The following CACNA2D2 variants were observed in gnomAD, a reference collection of about 807,000 sequenced individuals.
The protein encoded by CACNA2D2 is voltage-dependent calcium channel subunit alpha-2/delta-2.
CACNA2D2 carries 48 observed loss-of-function variants against 166.4 expected under a neutral mutation model. That is an observed-to-expected ratio of 0.29 (90% CI 0.23 to 0.37). The LOEUF (loss-of-function observed/expected upper bound fraction) is 0.37. CACNA2D2 is among the 10% of genes least tolerant of loss of function. CACNA2D2 has a pLI of 1.00. For synonymous variants in CACNA2D2, 561 were observed against 573.7 expected, an observed-to-expected ratio of 0.98 and a Z score of 0.32; for missense variants, 1,122 against 1,433.0, an observed-to-expected ratio of 0.78 and a Z score of 3.50.
At chr3:50,488,921 C>T (rs1377002146) in intron 1 of CACNA2D2, among the ~76,000 whole-genome samples, 5 of 152,034 alleles carry the variant, frequency 3.3e-5, no homozygotes, top group Admixed American at 2.0e-4. Flanking sequence ...AGGATGGTCT[C>T]GATCTCCTGA....
rs1222832323 is a variant in CACNA2D2 at position 50,493,207 on chromosome 3, C to A, written c.206+10011G>T. ...ATCCTCCATCACTCCCTGCCTTCTG[C>A]AGAATCTCCACCTCCAGCCCAAGGT... On this transcript the variant is annotated intron_variant, in intron 1 of 37. Coordinates refer to ENST00000424201, the MANE Select transcript of CACNA2D2 (RefSeq NM_006030.4). Among the ~76,000 whole-genome samples, 3 of 152,210 alleles carry A rather than the reference C, an allele frequency of 2.0e-5. No homozygotes were observed. The East Asian group carries it at 5.8e-4, about 29-fold the overall frequency.
intron 1 of CACNA2D2, among the ~76,000 whole-genome samples, chr3:50,476,444 G>A (rs1394842436): frequency 6.6e-6 from 1 of 152,238 alleles, no homozygotes; most frequent in Non-Finnish European, 1.5e-5. Flanking sequence ...TTGTGGATGT[G>A]CTGAGGGAGC....
intron 3 of CACNA2D2, among the ~76,000 whole-genome samples, chr3:50,412,811 G>A (rs1479042351): frequency 6.6e-6 from 1 of 152,228 alleles, no homozygotes; most frequent in Non-Finnish European, 1.5e-5. Context: ...ATGGAAGGAT[G>A]TCACCGTGGA....
intron 3 of CACNA2D2, among the ~76,000 whole-genome samples, chr3:50,430,701 G>A (rs1405098527): frequency 6.6e-6 from 1 of 152,180 alleles, no homozygotes. Context: ...GGACCCAGCT[G>A]GGAGGGCAGG....
At chr3:50,481,454 C>G (rs920395747) in intron 1 of CACNA2D2, among the ~76,000 whole-genome samples, 2 of 152,118 alleles carry the variant, frequency 1.3e-5, no homozygotes, top group Non-Finnish European at 2.9e-5. Context: ...GGCAGTTCAG[C>G]CGCTGCGCTT....
intron 2 of CACNA2D2, among the ~76,000 whole-genome samples, chr3:50,468,923 G>C (rs1709950264): frequency 6.6e-6 from 1 of 151,020 alleles, no homozygotes; most frequent in Non-Finnish European, 1.5e-5. Flanking sequence ...CCACCTCCCA[G>C]GTTCAAGCAA....
chr3:50,482,250 A>C (rs1698084310), intron 1 of CACNA2D2, among the ~76,000 whole-genome samples: 1 of 152,118 alleles, frequency 6.6e-6, no homozygotes, highest in African/African-American at 2.4e-5. Context: ...GCCCTGCTGC[A>C]AACAGCAGGA....
At chr3:50,490,515 T>C (rs1698478127) in intron 1 of CACNA2D2, among the ~76,000 whole-genome samples, 1 of 151,502 alleles carries the variant, frequency 6.6e-6, no homozygotes, top group Non-Finnish European at 1.5e-5. Context: ...AGAGCAGCCC[T>C]TGGTGGCAGC....
At chr3:50,414,524 C>G (rs762666533) in intron 3 of CACNA2D2, among the ~76,000 whole-genome samples, 1 of 151,958 alleles carries the variant, frequency 6.6e-6, no homozygotes, top group African/African-American at 2.4e-5. Context: ...GGCAGCCCCC[C>G]TTCCAAAACA....
chr3:50,499,640 C>G (rs1381774066), intron 1 of CACNA2D2, among the ~76,000 whole-genome samples: 1 of 152,224 alleles, frequency 6.6e-6, no homozygotes, highest in Non-Finnish European at 1.5e-5. Context: ...GCAGTGCCCA[C>G]CTGCACACAG....
At chr3:50,425,548 C>T (rs1707768297) in intron 3 of CACNA2D2, among the ~76,000 whole-genome samples, 1 of 152,192 alleles carries the variant, frequency 6.6e-6, no homozygotes, top group South Asian at 2.1e-4. Flanking sequence ...TGCACCTACC[C>T]TCCCCCAGCC....
intron 4 of CACNA2D2, among the ~76,000 whole-genome samples, chr3:50,392,264 G>A (rs1705924908): frequency 6.6e-6 from 1 of 152,188 alleles, no homozygotes; most frequent in Non-Finnish European, 1.5e-5. Flanking sequence ...GCAATCCCTG[G>A]CAGCCCGAGC....
intron 2 of CACNA2D2, among the ~76,000 whole-genome samples, chr3:50,439,422 G>A (rs1316126733): frequency 6.6e-6 from 1 of 152,250 alleles, no homozygotes; most frequent in Non-Finnish European, 1.5e-5. Context: ...GAACAAGAAA[G>A]ATTTGACGCA....
intron 2 of CACNA2D2, among the ~76,000 whole-genome samples, chr3:50,441,247 A>T (rs1227821163): frequency 1.3e-5 from 2 of 152,068 alleles, no homozygotes; most frequent in African/African-American, 4.8e-5. Context: ...TTACCTTCAC[A>T]AAACTCACAG....
rs748266125 is a variant in CACNA2D2, at chr3:50,375,884, G to A, written c.1774-4C>T. 6.2e-7 allele frequency: 1 copy of A among 1,612,926 alleles called. No individual in the cohort carries two copies. The highest frequency in any genetic ancestry group is 1.3e-5 in the African/African-American group (1 of 74,928). On this transcript the variant is annotated splice_polypyrimidine_tract_variant and splice_region_variant and intron_variant, in intron 19 of 37. Coordinates refer to ENST00000424201, the MANE Select transcript of CACNA2D2 (RefSeq NM_006030.4). The surrounding 1 kb of genome is among the most constrained non-coding windows in gnomAD (Gnocchi z 4.0). ...CATCAATCATGCTCCGACGGATCTG[G>A]AAGGGCCAGAGATGTGAGGGGCAGG...
At position 50,367,978 on chromosome 3, in the gene CACNA2D2, G is replaced by C. The variant is rs587696482; in HGVS notation, c.2144-76C>G. The C allele has an allele frequency of 1.0e-5, 12 of 1,171,056 alleles. 1 individual carries two copies. The South Asian group carries it at 1.5e-4, about 15-fold the overall frequency. 72.5% of individuals were successfully genotyped at this position (1,171,056 alleles called of 1,614,324 possible). A position where few individuals can be genotyped will look rare whatever the true frequency, so the allele number is the denominator to read the frequency against. On this transcript the variant is annotated intron_variant, in intron 24 of 37. Coordinates refer to ENST00000424201, the MANE Select transcript of CACNA2D2 (RefSeq NM_006030.4). This position sits in a 1 kb window ranked among gnomAD's most constrained non-coding sequence, Gnocchi z 6.5. ...TGCCCACCCTCACCCCCACCCTTAAGGCTCCACCAGGAGCCTCCTCCATGA... is the reference window on the plus strand; with the variant it reads ...TGCCCACCCTCACCCCCACCCTTAACGCTCCACCAGGAGCCTCCTCCATGA...
At chr3:50,401,923 G>A (rs1410267416) in intron 3 of CACNA2D2, among the ~76,000 whole-genome samples, 1 of 152,116 alleles carries the variant, frequency 6.6e-6, no homozygotes, top group East Asian at 1.9e-4. Flanking sequence ...ATGTTGCCCA[G>A]GCTGGTCTTG....
At chr3:50,429,111 T>C (rs2106870865) in intron 3 of CACNA2D2, among the ~76,000 whole-genome samples, 1 of 152,232 alleles carries the variant, frequency 6.6e-6, no homozygotes, top group South Asian at 2.1e-4. Context: ...ACACCTGTAA[T>C]CCCGGCTACC....
chr3:50,436,748 C>T (rs1367768188), intron 2 of CACNA2D2, among the ~76,000 whole-genome samples: 1 of 152,246 alleles, frequency 6.6e-6, no homozygotes, highest in Non-Finnish European at 1.5e-5. Context: ...TGCCCCCACT[C>T]TCTCCCTGCT....
Sources: allele counts gnomAD v4.1 joint callset (sites outside exome capture counted in the v4.1 genomes callset), GRCh38; gene constraint gnomAD v4.1.1; non-coding constraint Gnocchi (gnomAD v3.1); transcripts MANE v1.5; gene names NCBI Gene and HGNC (gene_info 2026-07-23, HGNC 2026-07-21).